Variants in GAB4 observed in about 807,000 individuals in gnomAD.
GAB4 encodes the protein GRB2-associated-binding protein 4.
A neutral mutation model predicts 51.3 loss-of-function variants in GAB4; 26 were observed. The observed-to-expected ratio is 0.51, with a 90% CI of 0.37 to 0.70. The LOEUF (loss-of-function observed/expected upper bound fraction) is 0.70. GAB4 is among the 30% of genes least tolerant of loss of function. The probability of loss-of-function intolerance (pLI) is 0.00; values close to 1 mark genes in which losing one functional copy is unlikely to be tolerated. For synonymous variants in GAB4, 329 were observed against 291.2 expected (o/e 1.13, Z -1.32); for missense variants, 759 against 734.6 (o/e 1.03, Z -0.38).
intron 3 of GAB4, among the ~76,000 whole-genome samples, chr22:16,973,872 T>C (rs1316629377): frequency 1.3e-5 from 2 of 152,204 alleles, no homozygotes; most frequent in Non-Finnish European, 2.9e-5. Flanking sequence ...TGGGTCTGTG[T>C]CTCTCTACTC....
chr22:17,007,215 C>A (rs1435236590), intron 1 of GAB4, among the ~76,000 whole-genome samples: 2 of 152,236 alleles, frequency 1.3e-5, no homozygotes, highest in African/African-American at 4.8e-5. Context: ...ACAATTACCG[C>A]TTCCTCAGTA....
At chr22:16,975,223 C>A (rs1199499310) in intron 3 of GAB4, among the ~76,000 whole-genome samples, 1 of 152,154 alleles carries the variant, frequency 6.6e-6, no homozygotes, top group African/African-American at 2.4e-5. Context: ...CTCAGGGGAT[C>A]CCACCCCCAT....
At chr22:16,965,744 C>A (rs1317522811) in intron 6 of GAB4, among the ~76,000 whole-genome samples, 1 of 152,116 alleles carries the variant, frequency 6.6e-6, no homozygotes, top group Non-Finnish European at 1.5e-5. Flanking sequence ...GGACTGATCC[C>A]CACCCAGTTA....
At chr22:16,999,647 C>T (rs1306916072) in intron 1 of GAB4, among the ~76,000 whole-genome samples, 1 of 152,168 alleles carries the variant, frequency 6.6e-6, no homozygotes, top group Non-Finnish European at 1.5e-5. Context: ...TCCTTCAGTT[C>T]TGCTCTGATC....
At chr22:16,980,707 C>T (rs540372286) in intron 3 of GAB4, among the ~76,000 whole-genome samples, 40 of 152,216 alleles carry the variant, frequency 2.6e-4, no homozygotes, top group East Asian at 1.9e-3. Context: ...CAAGTACACC[C>T]GTATGTTTAT....
In GAB4 at chr22:16,988,130, G is replaced by C. The variant is rs777152427; in HGVS notation, c.516C>G (p.Leu172=). ...LGNISSASHG[L]CSSPAEPSCS... ...AGCTGGGCTCAGCTGGAGAAGAGCA[G>C]AGGCCGTGACTGGCTGAGGAAATGT... is the stretch of plus-strand genomic sequence containing the variant. The change falls in exon 3 of 10, where the codon CTC becomes CTG. Residue 172 remains leucine, a synonymous_variant. Transcript: ENST00000400588. 13 of 1,613,202 alleles carry C rather than the reference G, an allele frequency of 8.1e-6. No individual in the cohort carries two copies. Among genetic ancestry groups the C allele is most frequent in the African/African-American group, 1.3e-5 (1 of 74,950 alleles).
chr22:17,004,276 T>C (rs2061021397), intron 1 of GAB4, among the ~76,000 whole-genome samples: 1 of 152,218 alleles, frequency 6.6e-6, no homozygotes, highest in African/African-American at 2.4e-5. Flanking sequence ...CCATTCCTTC[T>C]GAAACTATTC....
chr22:16,964,903 C>T (rs1480491613), intron 7 of GAB4, 41 bp from the exon 8 acceptor site: 2 of 1,496,390 alleles, frequency 1.3e-6, no homozygotes, highest in Non-Finnish European at 1.9e-6. Context: ...CTGGGTGGGG[C>T]TCAGGGCTGC....
chr22:16,974,581 C>A lies in GAB4; in HGVS notation c.687-4388G>T, dbSNP rs560171663. 2.6e-5 allele frequency among the ~76,000 whole-genome samples: 4 copies of A among 152,310 alleles called. No individual in the cohort carries two copies. In the East Asian group the frequency reaches 7.7e-4, roughly 29 times the overall value. The stretch of plus-strand genomic sequence containing the variant: ...GCTGTCACACCACCTCCTGCATATT[C>A]TTTGGTGTCAATATCAACCCAGAGC... On this transcript the variant is annotated intron_variant, in intron 3 of 9. Transcript: ENST00000400588.
chr22:17,003,113 T>A (rs1356998096), intron 1 of GAB4, among the ~76,000 whole-genome samples: 1 of 152,178 alleles, frequency 6.6e-6, no homozygotes, highest in Non-Finnish European at 1.5e-5. Flanking sequence ...AAGGGATCAA[T>A]GCAACAAGAA....
chr22:16,982,243 C>T (rs1011975708), intron 3 of GAB4, among the ~76,000 whole-genome samples: 1 of 152,140 alleles, frequency 6.6e-6, no homozygotes, highest in Non-Finnish European at 1.5e-5. Context: ...TAAAATTGTC[C>T]TTGTTTGCAG....
Position 16,966,262 on chromosome 22 carries a change from C to G in GAB4, c.1126G>C (p.Gly376Arg). ...ATGCAGACACCCTGGGAATCATCGC[C>G]TGCTTGCTTCACAGCCGGCAGGGTA... ...SPTLPAVKQA[G>R]DDSQGVCIPV... is the part of the protein sequence containing the mutation. Residue 376 changes from glycine (G) to arginine (R), a missense_variant, in exon 6 of 10, where the codon GGC becomes CGC. Physicochemically the swap from Gly to Arg is moderately radical, Grantham distance 125 (BLOSUM62 -2). Coordinates refer to ENST00000400588, the MANE Select transcript of GAB4 (RefSeq NM_001037814.1). 1.2e-6 allele frequency: 2 copies of G among 1,614,008 alleles called. No individual in the cohort carries two copies. Among genetic ancestry groups the G allele is most frequent in the Non-Finnish European group, 1.7e-6 (2 of 1,180,020 alleles).
intron 3 of GAB4, 40 bp downstream of exon 3, chr22:16,987,920 G>A: frequency 6.8e-7 from 1 of 1,473,938 alleles, no homozygotes; most frequent in South Asian, 1.2e-5. Flanking sequence ...ACAAGACCTT[G>A]TGGGGGTCAC....
intron 1 of GAB4, among the ~76,000 whole-genome samples, chr22:16,999,802 A>C (rs1045590430): frequency 1.2e-4 from 19 of 152,114 alleles, no homozygotes; most frequent in Non-Finnish European, 2.8e-4. Flanking sequence ...CCCTCTACAC[A>C]CTGCTTTGAA....
In GAB4 at chr22:16,988,128, C is replaced by G; in HGVS notation, c.518G>C (p.Cys173Ser). The G allele has an allele frequency of 6.2e-7, 1 of 1,612,874 alleles. No homozygotes were observed. Among genetic ancestry groups the G allele is most frequent in the Middle Eastern group, 1.7e-4 (1 of 6,052 alleles). Residue 173 changes from cysteine (C) to serine (S), a missense_variant, in exon 3 of 10, where the codon TGC becomes TCC. Coordinates refer to ENST00000400588, the MANE Select transcript of GAB4 (RefSeq NM_001037814.1). ...GNISSASHGL[C>S]SSPAEPSCSH... ...GCAGCTGGGCTCAGCTGGAGAAGAG[C>G]AGAGGCCGTGACTGGCTGAGGAAAT... is the stretch of plus-strand genomic sequence containing the variant.
intron 5 of GAB4, among the ~76,000 whole-genome samples, chr22:16,967,947 G>A (rs946544172): frequency 7.2e-5 from 11 of 151,960 alleles, no homozygotes; most frequent in Admixed American, 2.6e-4. Context: ...TGTCCCCTCT[G>A]CCTACCCATA....
chr22:16,967,763 T>C (rs2060692272), intron 5 of GAB4, among the ~76,000 whole-genome samples: 1 of 152,236 alleles, frequency 6.6e-6, no homozygotes, highest in South Asian at 2.1e-4. Flanking sequence ...CCTTGTTGCT[T>C]GTCTGACACC....
chr22:16,964,023 C>T (rs2060651142), intron 8 of GAB4, among the ~76,000 whole-genome samples, 194 bp from the exon 9 acceptor site: 1 of 152,164 alleles, frequency 6.6e-6, no homozygotes, highest in Non-Finnish European at 1.5e-5. Flanking sequence ...CTCCTTCACA[C>T]ACTGGATGCT....
Position 17,007,990 on chromosome 22 carries a change from TA to T in GAB4, c.124del (p.Tyr42ThrfsTer5). On this transcript the variant is annotated frameshift_variant, in exon 1 of 10. Transcript: ENST00000400588. LOFTEE classifies it high-confidence loss of function. ...GGGCGACTTCCTCAGCCAGCCGCTG[TA>T]CAGCACGTGGCCACTTCTCGTGCTT... ...GGSTRSGHVLYSGWLRKSPPE... is the reference protein window; with the variant it reads ...GGSTRSGHVLXSGWLRKSPPE... The T allele has an allele frequency of 6.2e-7, 1 of 1,612,500 alleles. No individual in the cohort carries two copies. Among genetic ancestry groups the T allele is most frequent in the Admixed American group, 1.7e-5 (1 of 59,874 alleles).
Sources: allele counts gnomAD v4.1 joint callset (sites outside exome capture counted in the v4.1 genomes callset), GRCh38; gene constraint gnomAD v4.1.1; transcripts MANE v1.5; gene names NCBI Gene and HGNC (gene_info 2026-07-23, HGNC 2026-07-21).